The following KCNU1 variants were observed in gnomAD, a reference collection of about 807,000 sequenced individuals.
The protein encoded by KCNU1 is potassium calcium-activated channel subfamily U member 1.
A neutral mutation model predicts 126.8 loss-of-function variants in KCNU1; 93 were observed. The ratio of observed to expected loss-of-function variants is 0.73; its 90% CI spans 0.62 to 0.87. The LOEUF (loss-of-function observed/expected upper bound fraction) is 0.87. KCNU1 is among the 40% of genes least tolerant of loss of function. KCNU1 has a pLI of 0.00. For missense variants in KCNU1, 1,330 were observed against 1,367.1 expected (o/e 0.97, Z 0.43); for synonymous variants, 523 against 494.2 (o/e 1.06, Z -0.77).
intron 6 of KCNU1, 25 bp from the exon 7 acceptor site, chr8:36,808,693 C>T (rs1300849891): frequency 2.0e-6 from 3 of 1,475,774 alleles, no homozygotes; most frequent in East Asian, 2.3e-5. Flanking sequence ...TTAGACCCAA[C>T]AGCTCTTTGT....
intron 1 of KCNU1, 57 bp downstream of exon 1, chr8:36,784,662 T>C (rs1404753082): frequency 1.3e-5 from 18 of 1,335,322 alleles, no homozygotes; most frequent in African/African-American, 8.8e-5. Context: ...TTTGGGGTAG[T>C]TTTGTGTTTA....
At chr8:36,861,388 A>C (rs1299729134) in intron 18 of KCNU1, among the ~76,000 whole-genome samples, 1 of 152,090 alleles carries the variant, frequency 6.6e-6, no homozygotes, top group African/African-American at 2.4e-5. Context: ...ATAGCTTTCT[A>C]CTTGGTCTCC....
chr8:36,884,802 C>A (rs770232685), intron 19 of KCNU1, among the ~76,000 whole-genome samples: 1 of 151,950 alleles, frequency 6.6e-6, no homozygotes, highest in Non-Finnish European at 1.5e-5. Flanking sequence ...AAAACCAAGC[C>A]TCTTGATTCT....
At chr8:36,841,034 GT>G (rs756308750) in intron 16 of KCNU1, 31 bp downstream of exon 16, 75,114 of 551,002 alleles carry the variant, frequency 0.14, 620 homozygotes, top group African/African-American at 0.25. Context: ...CTCTTCAGTT[GT>G]TTTTTTTTTT....
chr8:36,825,610 G>C (rs181922340), intron 10 of KCNU1, among the ~76,000 whole-genome samples: 6 of 152,150 alleles, frequency 3.9e-5, no homozygotes, highest in African/African-American at 1.4e-4. Flanking sequence ...TGGTGCAGTG[G>C]AGAAGTCTAG....
At chr8:36,836,738 C>G in intron 13 of KCNU1, 55 bp from the exon 14 acceptor site, 1 of 1,466,132 alleles carries the variant, frequency 6.8e-7, no homozygotes, top group Non-Finnish European at 9.5e-7. Context: ...TCCTCAAGAG[C>G]TTTCTTGAGG....
At chr8:36,805,022 C>G (rs1035856187) in intron 3 of KCNU1, among the ~76,000 whole-genome samples, 173 bp from the exon 4 acceptor site, 4 of 152,132 alleles carry the variant, frequency 2.6e-5, no homozygotes, top group Admixed American at 6.5e-5. Context: ...TGGTTTTGTT[C>G]ATGCATTCCT....
intron 14 of KCNU1, among the ~76,000 whole-genome samples, chr8:36,840,125 C>CA (rs1821460389): frequency 6.6e-6 from 1 of 152,156 alleles, no homozygotes; most frequent in African/African-American, 2.4e-5. Context: ...TTAGATTCCA[C>CA]ATTAACTTTC....
chr8:36,906,918 G>A (rs1251731209), intron 20 of KCNU1, among the ~76,000 whole-genome samples: 1 of 152,114 alleles, frequency 6.6e-6, no homozygotes, highest in African/African-American at 2.4e-5. Context: ...TTTTCAGTGG[G>A]AGGCAAATCT....
At chr8:36,934,428 G>A (rs1808794767) in intron 26 of KCNU1, among the ~76,000 whole-genome samples, 1 of 151,928 alleles carries the variant, frequency 6.6e-6, no homozygotes, top group African/African-American at 2.4e-5. Flanking sequence ...CAATGGGGGA[G>A]GAGTGATGTT....
chr8:36,880,820 C>T (rs1433510247), intron 19 of KCNU1, among the ~76,000 whole-genome samples: 1 of 151,974 alleles, frequency 6.6e-6, no homozygotes, highest in Non-Finnish European at 1.5e-5. Context: ...TTACTTTTTT[C>T]CTAAAAAGCT....
At chr8:36,902,376 A>T (rs1807453332) in intron 19 of KCNU1, among the ~76,000 whole-genome samples, 1 of 152,152 alleles carries the variant, frequency 6.6e-6, no homozygotes, top group Non-Finnish European at 1.5e-5. Flanking sequence ...CCAATAGGGC[A>T]TTTAACTACC....
chr8:36,907,857 C>T (rs1807692655), intron 20 of KCNU1, among the ~76,000 whole-genome samples: 1 of 152,122 alleles, frequency 6.6e-6, no homozygotes, highest in Admixed American at 6.6e-5. Flanking sequence ...TTCTAAATGT[C>T]CTCCTTTGAA....
At chr8:36,934,179 C>T (rs747193277) in intron 26 of KCNU1, among the ~76,000 whole-genome samples, 11 of 152,056 alleles carry the variant, frequency 7.2e-5, no homozygotes, top group African/African-American at 1.2e-4. Context: ...AGCTAGGACA[C>T]GGCCAGGAAA....
chr8:36,821,167 C>T (rs1432496685), intron 10 of KCNU1, among the ~76,000 whole-genome samples: 1 of 152,054 alleles, frequency 6.6e-6, no homozygotes, highest in Non-Finnish European at 1.5e-5. Flanking sequence ...AAACATAGAC[C>T]TTTTGTTAAA....
chr8:36,866,868 A>G (rs1020356935), intron 19 of KCNU1, among the ~76,000 whole-genome samples: 1 of 152,150 alleles, frequency 6.6e-6, no homozygotes, highest in Non-Finnish European at 1.5e-5. Flanking sequence ...AGAAGAGAAG[A>G]TGTAAAATGC....
chr8:36,819,506 T>C (rs1165693057), intron 10 of KCNU1, among the ~76,000 whole-genome samples: 1 of 152,194 alleles, frequency 6.6e-6, no homozygotes, highest in East Asian at 1.9e-4. Flanking sequence ...TAAATCCTAA[T>C]TCTGTTTCTA....
intron 10 of KCNU1, among the ~76,000 whole-genome samples, chr8:36,829,165 G>A (rs1804435792): frequency 6.6e-6 from 1 of 151,818 alleles, no homozygotes; most frequent in Non-Finnish European, 1.5e-5. Flanking sequence ...TATATTATTT[G>A]CAATAATTCT....
At chr8:36,855,375 G>A (rs541548559) in intron 18 of KCNU1, among the ~76,000 whole-genome samples, 47 of 152,180 alleles carry the variant, frequency 3.1e-4, no homozygotes, top group African/African-American at 9.6e-4. Flanking sequence ...CTAGATACAT[G>A]CAAATGAGGC....
Sources: gnomAD v4.1 joint callset for allele counts (sites outside exome capture counted in the v4.1 genomes callset) on GRCh38, gnomAD v4.1.1 for gene constraint, MANE v1.5 for transcripts, NCBI Gene and HGNC (gene_info 2026-07-23, HGNC 2026-07-21) for gene names.